POMT1: variants seen among roughly 807,000 people sequenced by gnomAD.
POMT1 encodes the protein protein O-mannosyltransferase 1.
A neutral mutation model predicts 101.6 loss-of-function variants in POMT1; 85 were observed. That is an observed-to-expected ratio of 0.84 (90% confidence interval 0.70 to 1.00). The LOEUF is 1.00. Among genes scored for constraint, POMT1 ranks in the 50% least tolerant of loss-of-function variants. The pLI, the probability that POMT1 is intolerant of heterozygous loss-of-function variation, is 0.00. For missense variants in POMT1, 857 were observed against 930.4 expected (o/e 0.92, Z 1.03); for synonymous variants, 371 against 383.0 (o/e 0.97, Z 0.37).
chr9:131,504,923 G>A (rs1945445967), intron 2 of POMT1, among the ~76,000 whole-genome samples: 1 of 151,594 alleles, frequency 6.6e-6, no homozygotes, highest in African/African-American at 2.4e-5. Flanking sequence ...GATTACAGGT[G>A]CCCGCCACCA....
chr9:131,511,229 C>T lies in POMT1; in HGVS notation c.856-108C>T, dbSNP rs536958666. The T allele has an allele frequency of 3.6e-4, 441 of 1,222,340 alleles. 2 individuals carry two copies. In the South Asian group the frequency reaches 6.0e-3, roughly 17 times the overall value. 75.7% of individuals were successfully genotyped at this position (1,222,340 alleles called of 1,614,324 possible). A position where few individuals can be genotyped will look rare whatever the true frequency, so the allele number is the denominator to read the frequency against. ...ATCATTACCACTGTTACAAGAATGG[C>T]CACCAGCCTAAACATCACCCCAGAG... On this transcript the variant is annotated intron_variant, in intron 9 of 19. Coordinates refer to ENST00000402686, the MANE Select transcript of POMT1 (RefSeq NM_001077365.2).
At position 131,504,358 on chromosome 9, in the gene POMT1, A is replaced by G. The variant is rs1483180361; in HGVS notation, c.122+18A>G. ...GCTGTGGTGTAAGCTAAATGACTCC[A>G]TTCCCAGGGTGAATCTAGAATTGTA... On this transcript the variant is annotated intron_variant, in intron 2 of 19. Coordinates refer to ENST00000402686, the MANE Select transcript of POMT1 (RefSeq NM_001077365.2). 1 of 1,614,140 alleles carries G rather than the reference A, an allele frequency of 6.2e-7. No individual in the cohort carries two copies.
intron 12 of POMT1, among the ~76,000 whole-genome samples, chr9:131,514,173 C>T (rs1226052178): frequency 6.6e-6 from 1 of 152,214 alleles, no homozygotes; most frequent in Admixed American, 6.5e-5. Context: ...TCTACTCCCA[C>T]CTCCTGGGGC....
intron 9 of POMT1, chr9:131,511,000 AGCAAGTTGT>A: frequency 3.7e-6 from 1 of 273,176 alleles, no homozygotes; most frequent in Non-Finnish European, 7.0e-6. Context: ...TGTGTGTTTC[AGCAAGTTGT>A]TTGGCTCACC....
At position 131,511,471 on chromosome 9, in the gene POMT1, AG is replaced by A. The variant is rs758521815; in HGVS notation, c.986+6del. 2 of 1,614,172 alleles carry A rather than the reference AG, an allele frequency of 1.2e-6. No individual in the cohort carries two copies. Among genetic ancestry groups the A allele is most frequent in the Admixed American group, 3.3e-5 (2 of 60,018 alleles). ...ACCAGGACACCTACCCCATGATGTA[AG>A]GTGATGGTTTTACTTTGAAGATAAT... On this transcript the variant is annotated splice_donor_5th_base_variant and intron_variant, in intron 10 of 19. Coordinates refer to ENST00000402686, the MANE Select transcript of POMT1 (RefSeq NM_001077365.2).
At position 131,512,977 on chromosome 9, in the gene POMT1, T is replaced by C. The variant is rs73555576; in HGVS notation, c.1083-262T>C. Among the ~76,000 whole-genome samples the C allele has an allele frequency of 0.026, 3,992 of 152,302 alleles. 160 individuals carry two copies. The highest frequency in any genetic ancestry group is 0.089 in the African/African-American group (3,691 of 41,530). On this transcript the variant is annotated intron_variant, in intron 11 of 19. Transcript: ENST00000402686. ...TTCCTTGGCAGTCATGGTACATTTG[T>C]CACTGTAGTGTTTGTAGACAAATTC... is the stretch of plus-strand genomic sequence containing the variant.
chr9:131,517,604 C>T (rs1033210478), intron 13 of POMT1, among the ~76,000 whole-genome samples: 17 of 152,190 alleles, frequency 1.1e-4, no homozygotes, highest in Admixed American at 4.6e-4. Flanking sequence ...GTGCAGAGTG[C>T]GCCCCTCTGC....
At position 131,522,281 on chromosome 9, in the gene POMT1, C is replaced by T; in HGVS notation, c.2003+57C>T. 1.2e-6 allele frequency: 2 copies of T among 1,604,750 alleles called. No homozygotes were observed. The highest frequency in any genetic ancestry group is 1.7e-6 in the Non-Finnish European group (2 of 1,179,296). On this transcript the variant is annotated intron_variant, in intron 19 of 19. Transcript: ENST00000402686. The surrounding 1 kb of genome is among the most constrained non-coding windows in gnomAD (Gnocchi z 5.5). ...GGGCAGCAGCCCTCTGCTGGGAAGC[C>T]CATGCGCAGCAAACACATGGGGTGC...
intron 5 of POMT1, among the ~76,000 whole-genome samples, chr9:131,507,896 C>T (rs144537536): frequency 1.3e-3 from 204 of 152,298 alleles, no homozygotes; most frequent in African/African-American, 4.8e-3. Context: ...CAGAGAGGGT[C>T]TTCCAGCTCA....
chr9:131,517,879 C>G (rs1253816926), intron 13 of POMT1, among the ~76,000 whole-genome samples: 1 of 152,266 alleles, frequency 6.6e-6, no homozygotes, highest in Non-Finnish European at 1.5e-5. Context: ...CTGCTCCTGC[C>G]TAGCTTCTTG....
In POMT1 at chr9:131,522,206, T is replaced by A. The variant is rs2131923569; in HGVS notation, c.1985T>A (p.Ile662Asn). The change falls in exon 19 of 20, where the codon ATC (isoleucine) becomes AAC (asparagine). Residue 662 changes from isoleucine (I) to asparagine (N), a missense_variant. Ile to Asn is a moderately radical substitution (Grantham distance 149). Coordinates refer to ENST00000402686, the MANE Select transcript of POMT1 (RefSeq NM_001077365.2). This position sits in a 1 kb window ranked among gnomAD's most constrained non-coding sequence, Gnocchi z 5.5. ...CTGCTCCCTGTGGTCCTGCAGCACA[T>A]CAGCGACCACCTGTGCAGGTACGGG... Reference protein sequence around the residue: ...ILLLPVVLQHISDHLCRSQLQ... With the variant: ...ILLLPVVLQHNSDHLCRSQLQ... 1.2e-6 allele frequency: 2 copies of A among 1,613,878 alleles called. No homozygotes were observed. The highest frequency in any genetic ancestry group is 2.2e-5 in the South Asian group (2 of 91,084).
chr9:131,510,994 T>C, intron 9 of POMT1: 1 of 273,232 alleles, frequency 3.7e-6, no homozygotes, highest in South Asian at 4.8e-5. Context: ...TAGTGCTGTG[T>C]GTTTCAGCAA....
Position 131,522,935 on chromosome 9 carries a change from C to A in POMT1, c.2007C>A (p.Ser669=). 6.3e-7 allele frequency: 1 copy of A among 1,588,120 alleles called. No homozygotes were observed. The highest frequency in any genetic ancestry group is 2.3e-5 in the East Asian group (1 of 44,206). ...LQHISDHLCR[S]QLQRSIFSAL... is the part of the protein sequence containing the mutation. ...CACGCTGCTCTGACCTCTGCAGGTC[C>A]CAGCTCCAGAGGAGCATCTTCAGCG... The change falls in exon 20 of 20, where the codon TCC becomes TCA. Residue 669 remains serine (S), a synonymous_variant. Transcript: ENST00000402686. The surrounding 1 kb of genome is among the most constrained non-coding windows in gnomAD (Gnocchi z 5.5).
rs756222902 is a variant in POMT1 at position 131,506,203 on chromosome 9, T to G, written c.212T>G (p.Met71Arg). 6.2e-7 allele frequency: 1 copy of G among 1,614,114 alleles called. No homozygotes were observed. The highest frequency in any genetic ancestry group is 8.5e-7 in the Non-Finnish European group (1 of 1,180,000). The change falls in exon 3 of 20, where the codon ATG becomes AGG. Residue 71 changes from methionine to arginine, a missense_variant. Coordinates refer to ENST00000402686, the MANE Select transcript of POMT1 (RefSeq NM_001077365.2). The part of the protein sequence containing the change: ...LDDSGPPFGH[M>R]VLALGGYLGG... ...GACAGTGGGCCGCCATTTGGCCACA[T>G]GGTGCTGGCCTTGGGAGGTAGGAGT...
At position 131,522,807 on chromosome 9, in the gene POMT1, G is replaced by C. The variant is rs769667945; in HGVS notation, c.2004-125G>C. On this transcript the variant is annotated intron_variant, in intron 19 of 19. Transcript: ENST00000402686. The surrounding 1 kb of genome is among the most constrained non-coding windows in gnomAD (Gnocchi z 5.5). ...CATGGGTGGCAGGAGACAAGACACA[G>C]AAACCTGAAGGCAGAACCCCAGGCC... The C allele has an allele frequency of 1.6e-5, 17 of 1,070,292 alleles. No homozygotes were observed. The highest frequency in any genetic ancestry group is 2.2e-5 in the Non-Finnish European group (16 of 726,506). 66.3% of individuals were successfully genotyped at this position (1,070,292 alleles called of 1,614,324 possible).
chr9:131,520,827 CTGTG>C (rs138260753), intron 17 of POMT1, among the ~76,000 whole-genome samples: 1 of 151,350 alleles, frequency 6.6e-6, no homozygotes, highest in Non-Finnish European at 1.5e-5. Flanking sequence ...AGCATCAGTG[CTGTG>C]TGTGTGTGTG....
At chr9:131,505,201 C>G (rs546449779) in intron 2 of POMT1, among the ~76,000 whole-genome samples, 1 of 152,188 alleles carries the variant, frequency 6.6e-6, no homozygotes, top group South Asian at 2.1e-4. Flanking sequence ...TTCACCTTAT[C>G]AGTTCACAGC....
Position 131,510,271 on chromosome 9 carries a change from C to G in POMT1, c.711C>G (p.Phe237Leu), listed in dbSNP as rs2131651682. The G allele has an allele frequency of 8.1e-6, 13 of 1,614,254 alleles. No homozygotes were observed. The highest frequency in any genetic ancestry group is 1.1e-5 in the Non-Finnish European group (13 of 1,180,042). The change falls in exon 9 of 20, where the codon TTC (phenylalanine) becomes TTG (leucine). Residue 237 changes from phenylalanine (F) to leucine (L), a missense_variant. Phe to Leu is a conservative substitution (Grantham distance 22). Transcript: ENST00000402686. ...GDQTLSNVCV[F>L]CHLLARAVAL... ...TGAATCTCTGGCAGGTCTGTGTGTT[C>G]TGTCACTTGCTCGCCCGAGCAGTGG... is the stretch of plus-strand genomic sequence containing the variant.
At position 131,504,327 on chromosome 9, in the gene POMT1, C is replaced by T. The variant is rs1564325715; in HGVS notation, c.109C>T (p.Pro37Ser). ...GAGCCGGCTGTGGCGACTCACCTAC[C>T]CGCGGGCTGTGGTGTAAGCTAAATG... ...LLSRLWRLTY[P>S]RAVVFDEVYY... Residue 37 changes from proline (P) to serine (S), a missense_variant, in exon 2 of 20, where the codon CCG (proline) becomes TCG (serine). Coordinates refer to ENST00000402686, the MANE Select transcript of POMT1 (RefSeq NM_001077365.2). 3 of 1,614,210 alleles carry T rather than the reference C, an allele frequency of 1.9e-6. No individual in the cohort carries two copies. The highest frequency in any genetic ancestry group is 2.5e-6 in the Non-Finnish European group (3 of 1,180,040).
Sources: allele counts gnomAD v4.1 joint callset (sites outside exome capture counted in the v4.1 genomes callset), GRCh38; gene constraint gnomAD v4.1.1; non-coding constraint Gnocchi (gnomAD v3.1); transcripts MANE v1.5; gene names NCBI Gene and HGNC (gene_info 2026-07-23, HGNC 2026-07-21).